Variants in UBR2 observed in about 807,000 individuals in gnomAD.
UBR2 encodes E3 ubiquitin-protein ligase UBR2.
Under a neutral mutation model 247.9 loss-of-function variants are expected in UBR2, and 92 were observed. The ratio of observed to expected loss-of-function variants is 0.37; its 90% CI spans 0.31 to 0.44. The LOEUF is 0.44. Among genes scored for constraint, UBR2 ranks in the 20% least tolerant of loss-of-function variants. The pLI, the probability that UBR2 is intolerant of heterozygous loss-of-function variation, is 1.00. For synonymous variants in UBR2, 672 were observed against 693.5 expected (o/e 0.97, Z 0.49); for missense variants, 1,613 against 2,112.6 (o/e 0.76, Z 4.64).
At chr6:42,632,960 T>C (rs112421447) in intron 13 of UBR2, 56 bp downstream of exon 13, 22,332 of 648,768 alleles carry the variant, frequency 0.034, 50 homozygotes, top group Middle Eastern at 0.051. Flanking sequence ...TCTTTTCTCT[T>C]TTTTTTTTTT....
chr6:42,612,934 C>G (rs1419705975), intron 8 of UBR2, among the ~76,000 whole-genome samples: 1 of 152,108 alleles, frequency 6.6e-6, no homozygotes, highest in African/African-American at 2.4e-5. Flanking sequence ...AACCTCATCT[C>G]TACTAAAAAT....
At chr6:42,645,611 A>C in intron 21 of UBR2, 21 bp downstream of exon 21, 1 of 1,608,136 alleles carries the variant, frequency 6.2e-7, no homozygotes, top group South Asian at 1.1e-5. Flanking sequence ...ACATTTCTAA[A>C]AAGAAAACCA....
At chr6:42,618,216 T>C (rs1794682503) in intron 11 of UBR2, among the ~76,000 whole-genome samples, 1 of 152,186 alleles carries the variant, frequency 6.6e-6, no homozygotes, top group African/African-American at 2.4e-5. Context: ...AAGAGACCTG[T>C]CCTTTTCCCA....
At chr6:42,565,142 C>T (rs1270948508) in intron 1 of UBR2, among the ~76,000 whole-genome samples, 1 of 152,172 alleles carries the variant, frequency 6.6e-6, no homozygotes, top group African/African-American at 2.4e-5. Flanking sequence ...GAACTGGTCA[C>T]AGTGTAGTAG....
In UBR2 at chr6:42,574,048, T is replaced by C. The variant is rs1203387992; in HGVS notation, c.338+55T>C. The C allele has an allele frequency of 6.9e-6, 10 of 1,458,248 alleles. No homozygotes were observed. The East Asian group carries it at 1.7e-4, about 25-fold the overall frequency. 90.3% of individuals were successfully genotyped at this position (1,458,248 alleles called of 1,614,324 possible). A position where few individuals can be genotyped will look rare whatever the true frequency, so the allele number is the denominator to read the frequency against. On this transcript the variant is annotated intron_variant, in intron 2 of 46. Transcript: ENST00000372901. ...GCTCTTGTTTTATTTGACCTCTTTT[T>C]TTCCCTGGAACTTTTGAGTTTTTGT...
intron 30 of UBR2, among the ~76,000 whole-genome samples, chr6:42,661,598 AAT>A (rs1797806958): frequency 6.6e-6 from 1 of 152,232 alleles, no homozygotes; most frequent in African/African-American, 2.4e-5. Context: ...ATCCCCTTTG[AAT>A]ATAAAAATTA....
intron 2 of UBR2, among the ~76,000 whole-genome samples, chr6:42,580,641 G>A (rs1791823858): frequency 6.6e-6 from 1 of 151,692 alleles, no homozygotes; most frequent in Non-Finnish European, 1.5e-5. Context: ...CTGGGTTCAA[G>A]CGATTCTCCT....
At chr6:42,655,029 ATAT>A (rs1303304095) in intron 25 of UBR2, among the ~76,000 whole-genome samples, 10 of 152,186 alleles carry the variant, frequency 6.6e-5, no homozygotes, top group Non-Finnish European at 1.5e-4. Flanking sequence ...TAAAACTTAC[ATAT>A]TATGTGAATT....
chr6:42,675,968 CAAAATA>C, intron 38 of UBR2, 82 bp from the exon 39 acceptor site: 1 of 1,486,178 alleles, frequency 6.7e-7, no homozygotes, highest in African/African-American at 1.4e-5. Context: ...AAAAAAAAAT[CAAAATA>C]AAAGTAAAAG....
intron 11 of UBR2, among the ~76,000 whole-genome samples, chr6:42,622,594 G>A (rs935678848): frequency 2.6e-5 from 4 of 151,378 alleles, no homozygotes; most frequent in African/African-American, 9.7e-5. Flanking sequence ...CATAGAGATG[G>A]TGTTTCACCA....
At chr6:42,652,125 T>C in intron 24 of UBR2, 54 bp downstream of exon 24, 4 of 1,481,672 alleles carry the variant, frequency 2.7e-6, no homozygotes, top group Non-Finnish European at 3.7e-6. Flanking sequence ...TTGTTAAACA[T>C]TGTTTTCTGT....
intron 9 of UBR2, 112 bp downstream of exon 9, chr6:42,615,290 A>G (rs1176577230): frequency 5.5e-6 from 4 of 731,746 alleles, no homozygotes; most frequent in African/African-American, 1.8e-5. Context: ...TGCTTCTTAA[A>G]ATTAGCATTG....
In UBR2 at chr6:42,614,404, G is replaced by GTACA. The variant is rs1554250409; in HGVS notation, c.986-665_986-664insCATA. ...TATATGTATGTACGTACATACATAC[G>GTACA]TATGTATGTACGTACGTACATATAT... On this transcript the variant is annotated intron_variant, in intron 8 of 46. Coordinates refer to ENST00000372901, the MANE Select transcript of UBR2 (RefSeq NM_001363705.2). 4.4e-5 allele frequency among the ~76,000 whole-genome samples: 5 copies of GTACA among 114,682 alleles called. 1 individual carries two copies. Among genetic ancestry groups the GTACA allele is most frequent in the East Asian group, 2.6e-4 (1 of 3,818 alleles). 75.2% of individuals were successfully genotyped at this position (114,682 alleles called of 152,430 possible).
intron 2 of UBR2, among the ~76,000 whole-genome samples, chr6:42,588,208 A>C (rs926260575): frequency 1.3e-5 from 2 of 152,232 alleles, no homozygotes; most frequent in Non-Finnish European, 2.9e-5. Context: ...GACAGCTTAC[A>C]GATATTATAA....
At chr6:42,638,600 A>G (rs1407185163) in intron 15 of UBR2, among the ~76,000 whole-genome samples, 1 of 152,176 alleles carries the variant, frequency 6.6e-6, no homozygotes, top group African/African-American at 2.4e-5. Flanking sequence ...TTTTGTTTTT[A>G]TAAGTGTTTT....
chr6:42,613,124 T>C (rs932986542), intron 8 of UBR2, among the ~76,000 whole-genome samples: 1 of 151,546 alleles, frequency 6.6e-6, no homozygotes, highest in Non-Finnish European at 1.5e-5. Flanking sequence ...TTCCAGAGTC[T>C]AGAAATTCGG....
chr6:42,649,496 AT>A (rs1796985236), intron 22 of UBR2, among the ~76,000 whole-genome samples: 2 of 152,188 alleles, frequency 1.3e-5, no homozygotes, highest in African/African-American at 4.8e-5. Context: ...CTTGTATTAC[AT>A]TTTGGTACAT....
intron 21 of UBR2, among the ~76,000 whole-genome samples, chr6:42,647,782 T>G (rs1582638441): frequency 6.6e-6 from 1 of 152,194 alleles, no homozygotes; most frequent in South Asian, 2.1e-4. Flanking sequence ...TTACATAAAC[T>G]TTTTTAAATG....
Position 42,683,068 on chromosome 6 carries a change from A to G in UBR2, c.4732A>G (p.Ser1578Gly), listed in dbSNP as rs141719695. The change falls in exon 43 of 47, where the codon AGT becomes GGT. Residue 1578 changes from serine (S) to glycine (G), a missense_variant. Around this residue, in one of 3 missense-constraint regions of UBR2, gnomAD observed 1,524 missense variants for 1,967.3 expected, o/e 0.77. Coordinates refer to ENST00000372901, the MANE Select transcript of UBR2 (RefSeq NM_001363705.2). ...TTTACATTAAAGTTGGTGCCGTAAC[A>G]GTGAAGTTAAAAGATATCTAGAAGG... ...NSLIESWCRNSEVKRYLEGER... is the reference protein window; with the variant it reads ...NSLIESWCRNGEVKRYLEGER... 295 of 1,612,682 alleles carry G rather than the reference A, an allele frequency of 1.8e-4. No homozygotes were observed. The highest frequency in any genetic ancestry group is 2.4e-4 in the Non-Finnish European group (280 of 1,179,548).
Sources: allele counts gnomAD v4.1 joint callset (sites outside exome capture counted in the v4.1 genomes callset), GRCh38; gene constraint gnomAD v4.1.1; regional missense constraint gnomAD v4.1.1; transcripts MANE v1.5; gene names NCBI Gene and HGNC (gene_info 2026-07-23, HGNC 2026-07-21).